GAS7: variants seen among roughly 807,000 people sequenced by gnomAD.
GAS7 encodes growth arrest-specific protein 7.
Under a neutral mutation model 71.1 loss-of-function variants are expected in GAS7, and 28 were observed. The ratio of observed to expected loss-of-function variants is 0.39; its 90% CI spans 0.29 to 0.54. The LOEUF (loss-of-function observed/expected upper bound fraction) is 0.54, where lower values mean the gene tolerates loss of function less well. Ranked by LOEUF, GAS7 falls within the 20% of genes least tolerant of loss-of-function variation. The probability of loss-of-function intolerance (pLI) is 0.62; values close to 1 mark genes in which losing one functional copy is unlikely to be tolerated. For missense variants in GAS7, 436 were observed against 627.8 expected, an observed-to-expected ratio of 0.69 and a Z score of 3.27; for synonymous variants, 258 against 245.8, an observed-to-expected ratio of 1.05 and a Z score of -0.46.
chr17:9,912,298 T>C lies in GAS7; in HGVS notation c.*4930A>G. 4.3e-6 allele frequency: 1 copy of C among 232,970 alleles called. No homozygotes were observed. Among genetic ancestry groups the C allele is most frequent in the Non-Finnish European group, 8.5e-6 (1 of 117,854 alleles). 14.4% of individuals were successfully genotyped at this position (232,970 alleles called of 1,614,324 possible). ...GAGAGCCAGACACAGCATGAACACGTGTACAGGGTACATCATTGGAAATGA... is the reference window on the plus strand; with the variant it reads ...GAGAGCCAGACACAGCATGAACACGCGTACAGGGTACATCATTGGAAATGA... On this transcript the variant is annotated 3_prime_UTR_variant, in exon 14 of 14. Transcript: ENST00000432992.
chr17:9,983,099 T>A (rs578126531), intron 2 of GAS7, among the ~76,000 whole-genome samples: 167 of 144,228 alleles, frequency 1.2e-3, no homozygotes, highest in Middle Eastern at 3.9e-3. Flanking sequence ...CATTTTGGTA[T>A]CCATATGTTG....
intron 8 of GAS7, among the ~76,000 whole-genome samples, 158 bp downstream of exon 8, chr17:9,939,968 G>A (rs1375398116): frequency 6.6e-6 from 1 of 152,124 alleles, no homozygotes; most frequent in Non-Finnish European, 1.5e-5. Context: ...CCCAAGTCAT[G>A]AGCACCTACC....
intron 1 of GAS7, among the ~76,000 whole-genome samples, chr17:10,118,012 T>A (rs11653469): frequency 0.32 from 48,499 of 151,926 alleles, 8,056 homozygotes; most frequent in Admixed American, 0.36. Flanking sequence ...GGCAACTGCG[T>A]CCTGGACAGG....
intron 1 of GAS7, among the ~76,000 whole-genome samples, chr17:10,065,794 G>A (rs948305990): frequency 3.3e-5 from 5 of 152,184 alleles, no homozygotes; most frequent in African/African-American, 1.2e-4. Context: ...GATCAGAAAT[G>A]TTGCTGTCAA....
intron 6 of GAS7, among the ~76,000 whole-genome samples, chr17:9,943,798 C>T (rs2068693915): frequency 6.6e-6 from 1 of 152,284 alleles, no homozygotes; most frequent in East Asian, 1.9e-4. Flanking sequence ...GAGAACAGGA[C>T]AGGCTGCCCT....
At chr17:10,161,221 A>T (rs1185890686) in intron 1 of GAS7, among the ~76,000 whole-genome samples, 1 of 152,216 alleles carries the variant, frequency 6.6e-6, no homozygotes, top group Admixed American at 6.5e-5. Context: ...AGGGGAAGAA[A>T]GCATTTCTTT....
rs868671986 is a variant in GAS7, at chr17:9,940,147, G to A, written c.785C>T (p.Ser262Phe). The A allele has an allele frequency of 1.0e-5, 16 of 1,606,096 alleles. No homozygotes were observed. The highest frequency in any genetic ancestry group is 1.4e-5 in the Non-Finnish European group (16 of 1,172,668). Residue 262 changes from serine (S) to phenylalanine (F), a missense_variant, in exon 8 of 14, where the codon TCC becomes TTC. Coordinates refer to ENST00000432992, the MANE Select transcript of GAS7 (RefSeq NM_201433.2). ...TCACCCTTCCTCCTGTGAAGCCAAG[G>A]AGTTCTGAGAGAGCTTAGCTAAGTT... Reference protein sequence around the residue: ...AKNLAKLSQNSLASQEEGSLG... With the variant: ...AKNLAKLSQNFLASQEEGSLG...
chr17:10,046,904 T>G (rs944907379), intron 1 of GAS7, among the ~76,000 whole-genome samples: 7 of 123,518 alleles, frequency 5.7e-5, no homozygotes, highest in African/African-American at 1.6e-4. Context: ...AAAGAAAATC[T>G]TGCAAACCAA....
intron 1 of GAS7, among the ~76,000 whole-genome samples, chr17:10,108,913 A>G (rs546346694): frequency 2.6e-5 from 4 of 152,330 alleles, no homozygotes; most frequent in African/African-American, 9.6e-5. Flanking sequence ...GGTCTAGGCA[A>G]AGATTTTACA....
intron 1 of GAS7, among the ~76,000 whole-genome samples, chr17:10,153,806 C>A (rs1021210419): frequency 1.3e-5 from 2 of 152,184 alleles, no homozygotes; most frequent in Non-Finnish European, 2.9e-5. Context: ...GTGGCTCATG[C>A]CTGTAATCCC....
intron 10 of GAS7, among the ~76,000 whole-genome samples, 167 bp from the exon 11 acceptor site, chr17:9,925,766 G>A (rs2067980333): frequency 6.6e-6 from 1 of 152,304 alleles, no homozygotes; most frequent in East Asian, 1.9e-4. Flanking sequence ...ACCCAGCTAG[G>A]TAGAGGCTAC....
chr17:10,162,698 T>G (rs2074265642), intron 1 of GAS7, among the ~76,000 whole-genome samples: 1 of 152,220 alleles, frequency 6.6e-6, no homozygotes, highest in South Asian at 2.1e-4. Flanking sequence ...GAGCAGAAAT[T>G]AGTTGCCTAT....
intron 12 of GAS7, 122 bp from the exon 13 acceptor site, chr17:9,918,221 G>T: frequency 1.5e-6 from 1 of 667,414 alleles, no homozygotes; most frequent in Non-Finnish European, 2.6e-6. Flanking sequence ...GACTCTCTGG[G>T]GTCTGATGAA....
At chr17:10,101,380 T>C (rs1368020057) in intron 1 of GAS7, among the ~76,000 whole-genome samples, 1 of 152,252 alleles carries the variant, frequency 6.6e-6, no homozygotes, top group African/African-American at 2.4e-5. Flanking sequence ...AAAACAAGCA[T>C]GGCGGAAGCC....
chr17:9,961,225 C>G (rs550590829), intron 4 of GAS7, among the ~76,000 whole-genome samples: 12 of 152,312 alleles, frequency 7.9e-5, no homozygotes, highest in South Asian at 2.1e-4. Context: ...CTTCCATAGA[C>G]ATTTTTAGTG....
At chr17:9,988,782 A>T (rs895428136) in intron 2 of GAS7, among the ~76,000 whole-genome samples, 1 of 152,032 alleles carries the variant, frequency 6.6e-6, no homozygotes, top group Non-Finnish European at 1.5e-5. Context: ...GGTCACGCCA[A>T]GCCCCTCCAC....
chr17:9,913,104 A>AC lies in GAS7; in HGVS notation c.*4123dup. 4.3e-6 allele frequency: 1 copy of AC among 232,524 alleles called. No homozygotes were observed. The highest frequency in any genetic ancestry group is 5.6e-5 in the Admixed American group (1 of 17,766). 14.4% of individuals were successfully genotyped at this position (232,524 alleles called of 1,614,324 possible). A position where few individuals can be genotyped will look rare whatever the true frequency, so the allele number is the denominator to read the frequency against. On this transcript the variant is annotated 3_prime_UTR_variant, in exon 14 of 14. Transcript: ENST00000432992. ...AAACAGGTTGATCTTGGTGATGGTC[A>AC]CAAGACACTAAATTTGTCAAAATTC...
At chr17:10,142,460 C>G (rs1362950658) in intron 1 of GAS7, among the ~76,000 whole-genome samples, 2 of 152,068 alleles carry the variant, frequency 1.3e-5, no homozygotes, top group African/African-American at 4.8e-5. Flanking sequence ...CCTCTGCCTC[C>G]CAGGTTCAAG....
chr17:10,081,428 A>C (rs1567583856), intron 1 of GAS7, among the ~76,000 whole-genome samples: 4 of 152,246 alleles, frequency 2.6e-5, no homozygotes, highest in Admixed American at 2.6e-4. Context: ...TGCTGGGATT[A>C]CAGGTGTGAG....
Sources: gnomAD v4.1 joint callset for allele counts (sites outside exome capture counted in the v4.1 genomes callset) on GRCh38, gnomAD v4.1.1 for gene constraint, MANE v1.5 for transcripts, NCBI Gene and HGNC (gene_info 2026-07-23, HGNC 2026-07-21) for gene names.